Variants in ARG1 observed in about 807,000 individuals in gnomAD.
The protein encoded by ARG1 is arginase 1.
Under a neutral mutation model 33.0 loss-of-function variants are expected in ARG1, and 20 were observed. The observed-to-expected ratio is 0.61, with a 90% CI of 0.43 to 0.88. The LOEUF (loss-of-function observed/expected upper bound fraction) is 0.88, where lower values mean the gene tolerates loss of function less well. Ranked by LOEUF, ARG1 falls within the 40% of genes least tolerant of loss-of-function variation. The pLI is 0.00. For missense variants in ARG1, 374 were observed against 384.7 expected (o/e 0.97, Z 0.23); for synonymous variants, 146 against 140.6 (o/e 1.04, Z -0.27).
intron 5 of ARG1, 50 bp downstream of exon 5, chr6:131,582,765 G>A: frequency 6.6e-7 from 1 of 1,512,640 alleles, no homozygotes; most frequent in Non-Finnish European, 9.2e-7. Context: ...CCCTTTGTGT[G>A]CTAGATATGC....
chr6:131,575,680 T>C (rs1773579715), intron 1 of ARG1, among the ~76,000 whole-genome samples: 1 of 152,324 alleles, frequency 6.6e-6, no homozygotes, highest in South Asian at 2.1e-4. Flanking sequence ...CAACATGTAA[T>C]AATCTTCTGC....
intron 1 of ARG1, among the ~76,000 whole-genome samples, chr6:131,573,730 T>G (rs1341476451): frequency 1.3e-5 from 2 of 152,244 alleles, no homozygotes; most frequent in African/African-American, 4.8e-5. Flanking sequence ...TACATTTGTT[T>G]AGTTATGTAA....
intron 1 of ARG1, among the ~76,000 whole-genome samples, chr6:131,574,931 T>C (rs946196803): frequency 2.0e-5 from 3 of 152,184 alleles, no homozygotes; most frequent in African/African-American, 4.8e-5. Flanking sequence ...CTGATTCCAA[T>C]GCCTATGCCC....
chr6:131,576,626 GATA>G (rs1231721458), intron 1 of ARG1, 34 bp from the exon 2 acceptor site: 1 of 1,571,602 alleles, frequency 6.4e-7, no homozygotes, highest in Non-Finnish European at 8.8e-7. Flanking sequence ...TGATGGTCAT[GATA>G]ATGTCTGAAG....
intron 1 of ARG1, among the ~76,000 whole-genome samples, chr6:131,575,578 T>C (rs936141630): frequency 2.0e-5 from 3 of 152,158 alleles, no homozygotes; most frequent in African/African-American, 7.2e-5. Flanking sequence ...TTCTGTTCCT[T>C]TGAATGGGGA....
chr6:131,582,831 ATG>A, intron 5 of ARG1, 116 bp downstream of exon 5: 2 of 873,356 alleles, frequency 2.3e-6, no homozygotes, highest in Non-Finnish European at 3.9e-6. Context: ...ACACACACAC[ATG>A]CCCACACACA....
chr6:131,573,286 A>T lies in ARG1; in HGVS notation c.4A>T (p.Ser2Cys). Residue 2 changes from serine to cysteine, a missense_variant, in exon 1 of 8, where the codon AGC becomes TGC. Transcript: ENST00000368087. M[S>C]AKSRTIGIIG... Reference sequence around the variant, plus strand: ...CAGCAAAGAGAAGTGTCAGAGCATGAGCGCCAAGTCCAGAACCATAGGGAT... The same window carrying T: ...CAGCAAAGAGAAGTGTCAGAGCATGTGCGCCAAGTCCAGAACCATAGGGAT... 6.2e-7 allele frequency: 1 copy of T among 1,614,084 alleles called. No individual in the cohort carries two copies. The highest frequency in any genetic ancestry group is 8.5e-7 in the Non-Finnish European group (1 of 1,179,978).
At chr6:131,574,095 G>C (rs1022365922) in intron 1 of ARG1, 20 of 689,440 alleles carry the variant, frequency 2.9e-5, no homozygotes, top group South Asian at 2.7e-4. Context: ...ACTTATTCTA[G>C]TAAAGAGAGT....
At chr6:131,576,803 G>C in intron 2 of ARG1, 68 bp downstream of exon 2, 1 of 1,379,822 alleles carries the variant, frequency 7.2e-7, no homozygotes, top group Non-Finnish European at 1.0e-6. Flanking sequence ...GCAGGCCCCT[G>C]TGAACCTGGA....
At chr6:131,575,137 A>T (rs1773552997) in intron 1 of ARG1, among the ~76,000 whole-genome samples, 1 of 152,208 alleles carries the variant, frequency 6.6e-6, no homozygotes, top group Non-Finnish European at 1.5e-5. Context: ...AAAGAATTCT[A>T]GAAAATTTAA....
intron 1 of ARG1, among the ~76,000 whole-genome samples, chr6:131,575,525 A>G (rs1231424531): frequency 6.6e-6 from 1 of 152,188 alleles, no homozygotes; most frequent in Non-Finnish European, 1.5e-5. Context: ...TGCCAGGGAC[A>G]GGAATTTAAC....
chr6:131,577,829 C>T (rs902856723), intron 2 of ARG1, among the ~76,000 whole-genome samples: 2 of 150,220 alleles, frequency 1.3e-5, no homozygotes, highest in African/African-American at 2.4e-5. Flanking sequence ...GGCTTGAACC[C>T]GGAGGCAGAG....
intron 2 of ARG1, 53 bp from the exon 3 acceptor site, chr6:131,579,058 A>G: frequency 6.3e-7 from 1 of 1,589,240 alleles, no homozygotes; most frequent in Non-Finnish European, 8.6e-7. Context: ...TCCTACACAG[A>G]CTGATTTATA....
chr6:131,575,910 C>A (rs1023920569), intron 1 of ARG1, among the ~76,000 whole-genome samples: 1 of 152,154 alleles, frequency 6.6e-6, no homozygotes, highest in Non-Finnish European at 1.5e-5. Flanking sequence ...TTTTCAGCTC[C>A]CAGATGATGA....
intron 5 of ARG1, 74 bp from the exon 6 acceptor site, chr6:131,582,986 T>A: frequency 9.7e-7 from 1 of 1,034,222 alleles, no homozygotes; most frequent in Non-Finnish European, 1.4e-6. Context: ...ACTATATTTA[T>A]ATTTCCCTTA....
intron 2 of ARG1, 111 bp downstream of exon 2, chr6:131,576,846 T>G: frequency 2.1e-6 from 2 of 963,288 alleles, no homozygotes; most frequent in Non-Finnish European, 3.3e-6. Context: ...AGAATTGCGG[T>G]ACTGGTTACA....
Position 131,584,022 on chromosome 6 carries a change from T to C in ARG1, c.*114T>C. ...ACTTGTTCTTTCAGAAAAATGTTTT[T>C]CCAATTAGTATAAACTCTACAAATT... On this transcript the variant is annotated 3_prime_UTR_variant, in exon 8 of 8. Coordinates refer to ENST00000368087, the MANE Select transcript of ARG1 (RefSeq NM_000045.4). 8.1e-7 allele frequency: 1 copy of C among 1,241,856 alleles called. No individual in the cohort carries two copies. Among genetic ancestry groups the C allele is most frequent in the Non-Finnish European group, 1.1e-6 (1 of 886,106 alleles). The allele number at this position is 1,241,856 out of a possible 1,614,324, so 76.9% of individuals were successfully genotyped here. A position where few individuals can be genotyped will look rare whatever the true frequency, so the allele number is the denominator to read the frequency against.
chr6:131,573,517 A>G (rs1773475039), intron 1 of ARG1, among the ~76,000 whole-genome samples, 178 bp downstream of exon 1: 1 of 152,146 alleles, frequency 6.6e-6, no homozygotes, highest in South Asian at 2.1e-4. Flanking sequence ...TCACATATCC[A>G]CTTACTTTTG....
At position 131,574,211 on chromosome 6, in the gene ARG1, T is replaced by C. The variant is rs1443837486; in HGVS notation, c.57+872T>C. On this transcript the variant is annotated intron_variant, in intron 1 of 7. Transcript: ENST00000368087. ...AATGTATGAGTTGAAACTACTAAGG[T>C]TGATTTTCTCCAGGTTTCTCAGGAT... 5 of 1,526,008 alleles carry C rather than the reference T, an allele frequency of 3.3e-6. No individual in the cohort carries two copies. The African/African-American group carries it at 4.1e-5, about 13-fold the overall frequency. 94.5% of individuals were successfully genotyped at this position (1,526,008 alleles called of 1,614,324 possible). A position where few individuals can be genotyped will look rare whatever the true frequency, so the allele number is the denominator to read the frequency against.
Sources: gnomAD v4.1 joint callset for allele counts (sites outside exome capture counted in the v4.1 genomes callset) on GRCh38, gnomAD v4.1.1 for gene constraint, MANE v1.5 for transcripts, NCBI Gene and HGNC (gene_info 2026-07-23, HGNC 2026-07-21) for gene names.